PRPF18: variants seen among roughly 807,000 people sequenced by gnomAD.
PRPF18 encodes the protein pre-mRNA processing factor 18, also known as pre-mRNA-splicing factor 18.
A neutral mutation model predicts 46.5 loss-of-function variants in PRPF18; 38 were observed. The ratio of observed to expected loss-of-function variants is 0.82; its 90% CI spans 0.63 to 1.07. The LOEUF (loss-of-function observed/expected upper bound fraction) is 1.07, where lower values mean the gene tolerates loss of function less well. Ranked by LOEUF, PRPF18 falls within the 50% of genes least tolerant of loss-of-function variation. The probability of loss-of-function intolerance (pLI) is 0.00; values close to 1 mark genes in which losing one functional copy is unlikely to be tolerated. For missense variants in PRPF18, 263 were observed against 410.0 expected (o/e 0.64, Z 3.10); for synonymous variants, 152 against 146.7 (o/e 1.04, Z -0.26).
At chr10:13,614,514 C>T (rs1391249557) in intron 8 of PRPF18, among the ~76,000 whole-genome samples, 1 of 152,170 alleles carries the variant, frequency 6.6e-6, no homozygotes, top group East Asian at 1.9e-4. Flanking sequence ...AACTGTTGCA[C>T]TGATGGTACA....
the PRPF18 span, chr10:13,642,850 C>G: frequency 1.3e-5 from 2 of 152,176 alleles, no homozygotes; most frequent in African/African-American, 4.8e-5. Context: ...TCTTGATGGG[C>G]TCACTTCCAG....
At chr10:13,638,021 A>G in the PRPF18 span, 3 of 152,236 alleles carry the variant, frequency 2.0e-5, no homozygotes, top group East Asian at 1.9e-4. Flanking sequence ...TAGAACTGTA[A>G]TATGCACAGT....
the PRPF18 span, chr10:13,652,019 TAC>T: frequency 2.0e-6 from 2 of 1,018,540 alleles, no homozygotes; most frequent in Non-Finnish European, 3.1e-6. Context: ...GAGGTCATGT[TAC>T]AGAGAGACAC....
At chr10:13,653,605 C>T in the PRPF18 span, among the ~76,000 whole-genome samples, 53 of 152,336 alleles carry the variant, frequency 3.5e-4, 2 homozygotes, top group East Asian at 8.1e-3. Context: ...CCCAGACATC[C>T]CCCTGATGCT....
the PRPF18 span, chr10:13,639,744 C>T: frequency 6.6e-6 from 1 of 152,156 alleles, no homozygotes; most frequent in East Asian, 1.9e-4. Context: ...GTCTCAGCTC[C>T]AGACACATCT....
chr10:13,605,861 T>G, intron 4 of PRPF18, 117 bp downstream of exon 4: 1 of 1,332,716 alleles, frequency 7.5e-7, no homozygotes, highest in Non-Finnish European at 9.7e-7. Context: ...AGATTATTGC[T>G]GCTGAATGGA....
At chr10:13,593,025 A>G (rs771874055) in intron 1 of PRPF18, among the ~76,000 whole-genome samples, 1 of 152,208 alleles carries the variant, frequency 6.6e-6, no homozygotes, top group East Asian at 1.9e-4. Flanking sequence ...AAGGAAAGAT[A>G]TTTTCAGTAA....
the PRPF18 span, chr10:13,646,231 T>G: frequency 6.6e-6 from 1 of 152,660 alleles, no homozygotes; most frequent in Non-Finnish European, 1.5e-5. Context: ...TAGGGTTGAC[T>G]TTCACTTGTG....
intron 9 of PRPF18, among the ~76,000 whole-genome samples, chr10:13,626,655 C>T (rs1438988395): frequency 1.3e-5 from 2 of 152,122 alleles, no homozygotes; most frequent in Non-Finnish European, 2.9e-5. Flanking sequence ...AAAAACCAAG[C>T]ACTGTCAGTA....
chr10:13,612,026 C>T (rs995628783), intron 6 of PRPF18, among the ~76,000 whole-genome samples: 3 of 151,782 alleles, frequency 2.0e-5, no homozygotes, highest in Admixed American at 6.6e-5. Context: ...ATTACAGGCA[C>T]CCACCACCAT....
At chr10:13,632,590 A>G (rs1004172871), downstream of PRPF18, 1 of 152,186 alleles carries the variant, frequency 6.6e-6, no homozygotes, top group Non-Finnish European at 1.5e-5. Context: ...AGAAACTGTC[A>G]TGTGACACCA....
At chr10:13,595,682 A>T (rs1205267130) in intron 1 of PRPF18, among the ~76,000 whole-genome samples, 1 of 152,204 alleles carries the variant, frequency 6.6e-6, no homozygotes, top group African/African-American at 2.4e-5. Context: ...CACCGTACTC[A>T]GGGTAGTTTT....
At chr10:13,600,870 G>A (rs965612026) in intron 3 of PRPF18, among the ~76,000 whole-genome samples, 1 of 152,096 alleles carries the variant, frequency 6.6e-6, no homozygotes, top group African/African-American at 2.4e-5. Context: ...TCTGCCTCCC[G>A]GGTTCAAGCG....
chr10:13,605,017 A>G lies in PRPF18; in HGVS notation c.250-614A>G, dbSNP rs181755600. On this transcript the variant is annotated intron_variant, in intron 3 of 9. Coordinates refer to ENST00000378572, the MANE Select transcript of PRPF18 (RefSeq NM_003675.4). Reference sequence around the variant, plus strand: ...GGGTCTTTCTTTAGACTTGAATTGTAGAGTCATAGGTCAGACCACTTTCTA... The same window carrying G: ...GGGTCTTTCTTTAGACTTGAATTGTGGAGTCATAGGTCAGACCACTTTCTA... 8.5e-5 allele frequency among the ~76,000 whole-genome samples: 13 copies of G among 152,380 alleles called. No homozygotes were observed. The East Asian group carries it at 2.5e-3, about 29-fold the overall frequency.
intron 1 of PRPF18, among the ~76,000 whole-genome samples, chr10:13,594,534 G>A (rs12360444): frequency 0.094 from 14,267 of 152,200 alleles, 710 homozygotes; most frequent in Non-Finnish European, 0.12. Flanking sequence ...CTCTTTGAAT[G>A]GATCTTTTTA....
rs149873059 is a variant in PRPF18 at position 13,611,515 on chromosome 10, C to A, written c.511-100C>A. ...CGATTTTTAAGTAAAAATTGAACAG[C>A]ATATGTGACCAAGAGCCATGTTTAG... On this transcript the variant is annotated intron_variant, in intron 5 of 9. Coordinates refer to ENST00000378572, the MANE Select transcript of PRPF18 (RefSeq NM_003675.4). 57 of 932,084 alleles carry A rather than the reference C, an allele frequency of 6.1e-5. No homozygotes were observed. The Middle Eastern group carries it at 6.6e-4, about 11-fold the overall frequency. 57.7% of individuals were successfully genotyped at this position (932,084 alleles called of 1,614,324 possible).
At chr10:13,607,765 TC>T (rs1334878136) in intron 4 of PRPF18, among the ~76,000 whole-genome samples, 1 of 152,242 alleles carries the variant, frequency 6.6e-6, no homozygotes. Context: ...GCTTAAGAAA[TC>T]TTTGCCTATC....
the PRPF18 span, among the ~76,000 whole-genome samples, chr10:13,637,366 C>G: frequency 6.6e-6 from 1 of 152,158 alleles, no homozygotes; most frequent in African/African-American, 2.4e-5. Flanking sequence ...CATTTTAGCC[C>G]TTCTGGTAGT....
intron 4 of PRPF18, among the ~76,000 whole-genome samples, chr10:13,607,500 G>A (rs774023303): frequency 9.3e-5 from 14 of 151,002 alleles, no homozygotes; most frequent in Non-Finnish European, 1.5e-4. Flanking sequence ...GCAACCTCTA[G>A]CTCCTGGGCT....
Sources: allele counts gnomAD v4.1 joint callset (sites outside exome capture counted in the v4.1 genomes callset), GRCh38; gene constraint gnomAD v4.1.1; transcripts MANE v1.5; gene names NCBI Gene and HGNC (gene_info 2026-07-23, HGNC 2026-07-21).